Variants in PLD5 observed in about 807,000 individuals in gnomAD.
PLD5 encodes the protein phospholipase D family member 5.
A neutral mutation model predicts 61.1 loss-of-function variants in PLD5; 36 were observed. That is an observed-to-expected ratio of 0.59 (90% CI 0.45 to 0.78). PLD5 has a LOEUF of 0.78. Among genes scored for constraint, PLD5 ranks in the 30% least tolerant of loss-of-function variants. The pLI, the probability that PLD5 is intolerant of heterozygous loss-of-function variation, is 0.00. For synonymous variants in PLD5, 243 were observed against 242.8 expected (o/e 1.00, Z -0.01); for missense variants, 515 against 644.4 (o/e 0.80, Z 2.17).
chr1:242,152,235 C>G (rs1234859049), intron 5 of PLD5, among the ~76,000 whole-genome samples: 1 of 152,026 alleles, frequency 6.6e-6, no homozygotes, highest in Non-Finnish European at 1.5e-5. Flanking sequence ...TCAAAGTCAG[C>G]AGTAGTGGGT....
intron 8 of PLD5, among the ~76,000 whole-genome samples, chr1:242,103,301 A>G (rs1660821366): frequency 6.6e-6 from 1 of 152,186 alleles, no homozygotes. Context: ...CCTTGGACTC[A>G]GGCACTGTCC....
intron 1 of PLD5, among the ~76,000 whole-genome samples, chr1:242,500,584 T>G (rs979899374): frequency 9.9e-5 from 15 of 152,208 alleles, no homozygotes; most frequent in African/African-American, 3.1e-4. Context: ...ATGTGACGGT[T>G]GGTACAGTTG....
chr1:242,120,294 C>G (rs1662263385), intron 6 of PLD5, among the ~76,000 whole-genome samples: 1 of 151,944 alleles, frequency 6.6e-6, no homozygotes, highest in Non-Finnish European at 1.5e-5. Flanking sequence ...AAATTGTATG[C>G]TTTATTTTTT....
At chr1:242,304,880 G>T (rs1262522166) in intron 2 of PLD5, among the ~76,000 whole-genome samples, 3 of 152,180 alleles carry the variant, frequency 2.0e-5, no homozygotes, top group Non-Finnish European at 1.5e-5. Context: ...GAAGTGGGCA[G>T]ATCGCTTGTG....
chr1:242,421,296 A>G (rs1367805175), intron 1 of PLD5, among the ~76,000 whole-genome samples: 4 of 151,916 alleles, frequency 2.6e-5, no homozygotes, highest in Admixed American at 2.6e-4. Context: ...TTTTCTAAAG[A>G]TTTATTAAAT....
chr1:242,293,476 TGTTA>T (rs1248280378), intron 2 of PLD5, among the ~76,000 whole-genome samples: 4 of 152,178 alleles, frequency 2.6e-5, no homozygotes, highest in African/African-American at 4.8e-5. Flanking sequence ...GTTTTATTGT[TGTTA>T]GTTTCTTACT....
chr1:242,403,475 T>A (rs1428768670), intron 1 of PLD5, among the ~76,000 whole-genome samples: 1 of 151,626 alleles, frequency 6.6e-6, no homozygotes, highest in Non-Finnish European at 1.5e-5. Flanking sequence ...AGGCTTTTTT[T>A]TTTTTTTTTT....
chr1:242,515,231 A>T (rs1016152454), intron 1 of PLD5, among the ~76,000 whole-genome samples: 4 of 151,494 alleles, frequency 2.6e-5, no homozygotes, highest in Admixed American at 6.6e-5. Flanking sequence ...AGAGAGAGAG[A>T]GTGTGTGTAT....
intron 7 of PLD5, among the ~76,000 whole-genome samples, chr1:242,110,941 T>C (rs1661437456): frequency 6.6e-6 from 1 of 152,168 alleles, no homozygotes; most frequent in Non-Finnish European, 1.5e-5. Flanking sequence ...AAGATATATT[T>C]TATGTGACTG....
intron 5 of PLD5, among the ~76,000 whole-genome samples, chr1:242,167,855 G>A (rs1010033575): frequency 5.3e-5 from 8 of 152,226 alleles, no homozygotes; most frequent in African/African-American, 1.7e-4. Flanking sequence ...ACACCCTTTT[G>A]TGCAGAGATT....
intron 5 of PLD5, among the ~76,000 whole-genome samples, chr1:242,181,645 G>A (rs1020205822): frequency 6.8e-6 from 1 of 147,908 alleles, no homozygotes. Flanking sequence ...TTGTAAAAAT[G>A]TCTCTTCAAT....
intron 5 of PLD5, among the ~76,000 whole-genome samples, chr1:242,211,303 C>T (rs1250972581): frequency 6.6e-6 from 1 of 152,128 alleles, no homozygotes; most frequent in Non-Finnish European, 1.5e-5. Flanking sequence ...AGGGTTATGG[C>T]TAAAAGCAGC....
intron 5 of PLD5, among the ~76,000 whole-genome samples, chr1:242,159,881 G>A (rs918432506): frequency 2.0e-5 from 3 of 152,122 alleles, no homozygotes; most frequent in African/African-American, 7.2e-5. Flanking sequence ...TGAGGTCCAT[G>A]GAGAAAACTC....
At chr1:242,346,646 T>A (rs1002858538) in intron 2 of PLD5, among the ~76,000 whole-genome samples, 4 of 152,234 alleles carry the variant, frequency 2.6e-5, no homozygotes, top group African/African-American at 9.6e-5. Flanking sequence ...CCTTTTTTTA[T>A]TTCCAGCTTT....
chr1:242,425,639 C>CTTTTT (rs35709516), intron 1 of PLD5, among the ~76,000 whole-genome samples: 3 of 129,890 alleles, frequency 2.3e-5, no homozygotes, highest in African/African-American at 5.9e-5. Context: ...CTTACTGTAA[C>CTTTTT]TTTTTTTTTT....
At chr1:242,335,617 A>G (rs1286903019) in intron 2 of PLD5, among the ~76,000 whole-genome samples, 3 of 152,238 alleles carry the variant, frequency 2.0e-5, no homozygotes, top group African/African-American at 4.8e-5. Flanking sequence ...AAATGATTGA[A>G]TATCTCAGAC....
upstream of PLD5, among the ~76,000 whole-genome samples, chr1:242,526,299 T>C (rs1669444639): frequency 6.6e-6 from 1 of 152,012 alleles, no homozygotes; most frequent in South Asian, 2.1e-4. Context: ...GGCGGGAGGA[T>C]CGCTGAAGCC....
At chr1:242,205,326 G>A (rs1388165819) in intron 5 of PLD5, among the ~76,000 whole-genome samples, 2 of 152,174 alleles carry the variant, frequency 1.3e-5, no homozygotes, top group Non-Finnish European at 2.9e-5. Context: ...GGTTTTGGGA[G>A]AGTAAAAAAG....
intron 6 of PLD5, among the ~76,000 whole-genome samples, chr1:242,119,751 T>C (rs999727819): frequency 2.0e-5 from 3 of 152,156 alleles, no homozygotes; most frequent in African/African-American, 4.8e-5. Flanking sequence ...TGCTGCCAAT[T>C]TGGAAAACAG....
Sources: gnomAD v4.1 joint callset for allele counts (sites outside exome capture counted in the v4.1 genomes callset) on GRCh38, gnomAD v4.1.1 for gene constraint, MANE v1.5 for transcripts, NCBI Gene and HGNC (gene_info 2026-07-23, HGNC 2026-07-21) for gene names.